SLC5A7: variants seen among roughly 807,000 people sequenced by gnomAD.
The protein encoded by SLC5A7 is high affinity choline transporter 1.
Under a neutral mutation model 55.4 loss-of-function variants are expected in SLC5A7, and 19 were observed. The observed-to-expected ratio is 0.34, with a 90% CI of 0.24 to 0.50. The LOEUF (loss-of-function observed/expected upper bound fraction) is 0.50, where lower values mean the gene tolerates loss of function less well. Ranked by LOEUF, SLC5A7 falls within the 20% of genes least tolerant of loss-of-function variation. The probability of loss-of-function intolerance (pLI) is 0.98; values close to 1 mark genes in which losing one functional copy is unlikely to be tolerated. For synonymous variants in SLC5A7, 265 were observed against 263.7 expected (o/e 1.00, Z -0.05); for missense variants, 506 against 705.3 (o/e 0.72, Z 3.20).
In SLC5A7 at chr2:108,010,225, C is replaced by A; in HGVS notation, c.1114-7C>A. ...CAAAAAGCTGACACTGTGGCAATTTCTTACAGGCTTCGGACAAAGAAATCG... is the reference window on the plus strand; with the variant it reads ...CAAAAAGCTGACACTGTGGCAATTTATTACAGGCTTCGGACAAAGAAATCG... On this transcript the variant is annotated splice_polypyrimidine_tract_variant and splice_region_variant and intron_variant, in intron 8 of 8. Coordinates refer to ENST00000264047, the MANE Select transcript of SLC5A7 (RefSeq NM_021815.5). The A allele has an allele frequency of 6.2e-7, 1 of 1,608,796 alleles. No individual in the cohort carries two copies. The highest frequency in any genetic ancestry group is 1.1e-5 in the South Asian group (1 of 90,414).
At chr2:107,989,012 T>TG (rs1677346449) in intron 2 of SLC5A7, among the ~76,000 whole-genome samples, 2 of 152,242 alleles carry the variant, frequency 1.3e-5, no homozygotes, top group Non-Finnish European at 2.9e-5. Flanking sequence ...CAGTCATCTC[T>TG]CATTCAAACC....
In SLC5A7 at chr2:107,993,075, T is replaced by C. The variant is rs773799401; in HGVS notation, c.396T>C (p.Ile132=). ...YGKRMGGLLF[I]PALMGEMFWA... ...AACGCATGGGCGGACTCCTGTTTAT[T>C]CCTGCACTGATGGGAGAAATGTTCT... is the stretch of plus-strand genomic sequence containing the variant. The change falls in exon 4 of 9, where the codon ATT becomes ATC. Residue 132 remains isoleucine, a synonymous_variant. Transcript: ENST00000264047. 6.2e-7 allele frequency: 1 copy of C among 1,614,242 alleles called. No homozygotes were observed. Among genetic ancestry groups the C allele is most frequent in the East Asian group, 2.2e-5 (1 of 44,884 alleles).
chr2:107,987,404 G>A lies in SLC5A7; in HGVS notation c.-52+641G>A, dbSNP rs149107033. On this transcript the variant is annotated intron_variant, in intron 1 of 8. Transcript: ENST00000264047. ...CCTTTTCCTGTATGTACCATTAATG[G>A]GGGGTGATGAATTGAATGAAGGATA... is the stretch of plus-strand genomic sequence containing the variant. 2.6e-3 allele frequency among the ~76,000 whole-genome samples: 391 copies of A among 152,210 alleles called. 2 individuals are homozygous for A. Among genetic ancestry groups the A allele is most frequent in the African/African-American group, 9.0e-3 (375 of 41,526 alleles).
intron 2 of SLC5A7, among the ~76,000 whole-genome samples, chr2:107,990,012 T>G (rs921959234): frequency 3.3e-5 from 5 of 152,190 alleles, no homozygotes; most frequent in African/African-American, 1.2e-4. Flanking sequence ...CAAAATAACC[T>G]TGGTCAATAT....
chr2:108,000,797 G>A (rs1023677495), intron 5 of SLC5A7, among the ~76,000 whole-genome samples: 1 of 151,962 alleles, frequency 6.6e-6, no homozygotes, highest in Admixed American at 6.6e-5. Context: ...GTTTCACCAA[G>A]TTGCCCAGTC....
chr2:107,988,020 C>CGCATGA, intron 1 of SLC5A7, 85 bp from the exon 2 acceptor site: 1 of 804,938 alleles, frequency 1.2e-6, no homozygotes. Context: ...CACAGGATCT[C>CGCATGA]GCATGAGCCA....
At chr2:108,002,170 C>G in intron 6 of SLC5A7, 130 bp downstream of exon 6, 10 of 1,102,212 alleles carry the variant, frequency 9.1e-6, no homozygotes, top group African/African-American at 1.6e-5. Context: ...TGAGGACTCT[C>G]TATCGGGAGG....
At chr2:107,993,217 G>A (rs1000830853) in intron 4 of SLC5A7, 90 bp downstream of exon 4, 5 of 1,424,930 alleles carry the variant, frequency 3.5e-6, no homozygotes, top group Non-Finnish European at 4.8e-6. Context: ...TGGCTTCTGA[G>A]GACATTTTTA....
chr2:108,001,400 G>T (rs547418204), intron 5 of SLC5A7, among the ~76,000 whole-genome samples: 2 of 152,206 alleles, frequency 1.3e-5, no homozygotes, highest in East Asian at 3.9e-4. Flanking sequence ...GTGGCCGGGC[G>T]CGGTGGCTCA....
intron 4 of SLC5A7, among the ~76,000 whole-genome samples, chr2:107,995,285 T>TA (rs1558862338): frequency 6.6e-6 from 1 of 152,218 alleles, no homozygotes; most frequent in Non-Finnish European, 1.5e-5. Context: ...ATTATGATTT[T>TA]ATGAGAATTT....
intron 4 of SLC5A7, among the ~76,000 whole-genome samples, chr2:107,995,946 A>T (rs1246375358): frequency 3.9e-5 from 6 of 152,080 alleles, no homozygotes; most frequent in Non-Finnish European, 8.8e-5. Flanking sequence ...AATTGATTTA[A>T]TTTTTCAGAA....
In SLC5A7 at chr2:108,001,683, AAAAAAAG is replaced by A. The variant is rs1480450483; in HGVS notation, c.598-209_598-203del. On this transcript the variant is annotated intron_variant, in intron 5 of 8. Transcript: ENST00000264047. ...GCGAGACTCCGTCTCAAAAAAAAAA[AAAAAAAG>A]AAAAGAAATAGTCAATGTGTTATTT... Among the ~76,000 whole-genome samples, 15 of 151,108 alleles carry A rather than the reference AAAAAAAG, an allele frequency of 9.9e-5. 1 individual carries two copies. Among genetic ancestry groups the A allele is most frequent in the Admixed American group, 5.3e-4 (8 of 15,186 alleles).
chr2:108,010,488 A>G lies in SLC5A7; in HGVS notation c.1370A>G (p.Gln457Arg). The G allele has an allele frequency of 6.2e-7, 1 of 1,613,992 alleles. No homozygotes were observed. The highest frequency in any genetic ancestry group is 1.1e-5 in the South Asian group (1 of 91,084). The change falls in exon 9 of 9, where the codon CAG becomes CGG. Residue 457 changes from glutamine (Q) to arginine (R), a missense_variant. By Grantham distance (43) the Gln-to-Arg change is conservative (BLOSUM62 1). This residue lies in a region of SLC5A7 where 137 missense variants were observed against 143.6 expected (regional missense o/e 0.95). Coordinates refer to ENST00000264047, the MANE Select transcript of SLC5A7 (RefSeq NM_021815.5). ...ITGGEPYLYL[Q>R]PLIFYPGYYP... Reference sequence around the variant, plus strand: ...GGAGGGGAGCCATATCTGTATCTTCAGCCCTTGATCTTCTACCCTGGCTAT... The same window carrying G: ...GGAGGGGAGCCATATCTGTATCTTCGGCCCTTGATCTTCTACCCTGGCTAT...
At position 108,002,012 on chromosome 2, in the gene SLC5A7, A is replaced by G. The variant is rs142776152; in HGVS notation, c.713A>G (p.Tyr238Cys). 3,467 of 1,613,914 alleles carry G rather than the reference A, an allele frequency of 2.1e-3. 15 individuals are homozygous for G. Among genetic ancestry groups the G allele is most frequent in the Admixed American group, 2.5e-3 (150 of 60,016 alleles). Residue 238 changes from tyrosine to cysteine, a missense_variant, in exon 6 of 9, where the codon TAC becomes TGC. This residue lies in a region of SLC5A7 where 309 missense variants were observed against 478.6 expected (regional missense o/e 0.65). Transcript: ENST00000264047. Reference protein sequence around the residue: ...WLGTVDSSEVYSWLDSFLLLM... With the variant: ...WLGTVDSSEVCSWLDSFLLLM... ...GGAACTGTTGACTCATCTGAAGTCT[A>G]CTCTTGGCTTGATAGTTTTCTGTTG...
intron 2 of SLC5A7, among the ~76,000 whole-genome samples, chr2:107,990,089 T>C (rs1677393253): frequency 6.6e-6 from 1 of 152,236 alleles, no homozygotes; most frequent in Non-Finnish European, 1.5e-5. Flanking sequence ...GGATATATTT[T>C]ATAAAGAATA....
intron 3 of SLC5A7, 122 bp downstream of exon 3, chr2:107,992,341 G>T (rs1677482638): frequency 1.9e-6 from 1 of 517,590 alleles, no homozygotes; most frequent in Non-Finnish European, 3.4e-6. Context: ...TGTCCCCAGA[G>T]ATCTTTAAGG....
At chr2:108,006,232 C>T in intron 7 of SLC5A7, 30 bp downstream of exon 7, 1 of 1,611,824 alleles carries the variant, frequency 6.2e-7, no homozygotes, top group Non-Finnish European at 8.5e-7. Context: ...ACCACATGTG[C>T]CAGTTAGTTT....
chr2:108,008,063 T>C (rs2104378206), intron 7 of SLC5A7, among the ~76,000 whole-genome samples: 1 of 152,316 alleles, frequency 6.6e-6, no homozygotes, highest in Non-Finnish European at 1.5e-5. Flanking sequence ...AGCCCTACTA[T>C]TGTCTTTCTT....
At position 108,012,203 on chromosome 2, in the gene SLC5A7, A is replaced by G. The variant is rs1678359842; in HGVS notation, c.*1342A>G. On this transcript the variant is annotated 3_prime_UTR_variant, in exon 9 of 9. Transcript: ENST00000264047. ...TATGTGTGTGTGTGTATGTGTAATGATTTGTGTCCATTTCAAGTGTTTTCA... is the reference window on the plus strand; with the variant it reads ...TATGTGTGTGTGTGTATGTGTAATGGTTTGTGTCCATTTCAAGTGTTTTCA... The G allele has an allele frequency of 6.6e-6, 1 of 152,026 alleles. No individual in the cohort carries two copies. The highest frequency in any genetic ancestry group is 2.1e-4 in the South Asian group (1 of 4,824). 9.4% of individuals were successfully genotyped at this position (152,026 alleles called of 1,614,324 possible). A position where few individuals can be genotyped will look rare whatever the true frequency, so the allele number is the denominator to read the frequency against.
Sources: gnomAD v4.1 joint callset for allele counts (sites outside exome capture counted in the v4.1 genomes callset) on GRCh38, gnomAD v4.1.1 for gene constraint, gnomAD v4.1.1 regional missense constraint, MANE v1.5 for transcripts, NCBI Gene and HGNC (gene_info 2026-07-23, HGNC 2026-07-21) for gene names.